The following PTPRM variants were observed in gnomAD, a reference collection of about 807,000 sequenced individuals.
PTPRM encodes receptor-type tyrosine-protein phosphatase mu.
In PTPRM, 47 loss-of-function variants were observed where a neutral mutation model predicts 186.7. The observed-to-expected ratio is 0.25, with a 90% CI of 0.20 to 0.32. The LOEUF (loss-of-function observed/expected upper bound fraction) is 0.32, where lower values mean the gene tolerates loss of function less well. PTPRM is among the 10% of genes least tolerant of loss of function. The pLI is 1.00. For synonymous variants in PTPRM, 668 were observed against 674.9 expected (o/e 0.99, Z 0.16); for missense variants, 1,494 against 1,865.0 (o/e 0.80, Z 3.66).
intron 7 of PTPRM, among the ~76,000 whole-genome samples, chr18:7,976,748 G>T (rs2054972414): frequency 6.6e-6 from 1 of 152,120 alleles, no homozygotes; most frequent in Admixed American, 6.5e-5. Context: ...GAAAATGAAT[G>T]CGGAGTAAGC....
At chr18:8,283,540 C>T (rs2094926023) in intron 19 of PTPRM, among the ~76,000 whole-genome samples, 2 of 152,282 alleles carry the variant, frequency 1.3e-5, no homozygotes, top group Admixed American at 6.5e-5. Flanking sequence ...ATCTATGAGA[C>T]ATTTTGGGTA....
intron 7 of PTPRM, among the ~76,000 whole-genome samples, chr18:7,981,267 ATT>A (rs1249931937): frequency 2.0e-5 from 3 of 151,796 alleles, no homozygotes; most frequent in Admixed American, 1.3e-4. Flanking sequence ...TTCCCTTATT[ATT>A]TTTTAAACAT....
At chr18:8,326,689 C>A (rs2095379199) in intron 22 of PTPRM, among the ~76,000 whole-genome samples, 1 of 152,108 alleles carries the variant, frequency 6.6e-6, no homozygotes. Flanking sequence ...GGGGAAAGGA[C>A]TCCCCATTAT....
intron 2 of PTPRM, among the ~76,000 whole-genome samples, chr18:7,818,215 G>A (rs368554737): frequency 6.6e-6 from 1 of 151,844 alleles, no homozygotes; most frequent in South Asian, 2.1e-4. Context: ...TTTTTTTTCC[G>A]ACGAGTCTTG....
intron 2 of PTPRM, among the ~76,000 whole-genome samples, chr18:7,786,202 T>C (rs938084730): frequency 3.3e-5 from 5 of 152,226 alleles, no homozygotes; most frequent in African/African-American, 1.2e-4. Context: ...GAAATAAATA[T>C]AGCTATTTAA....
At chr18:8,205,921 G>A (rs952810933) in intron 14 of PTPRM, among the ~76,000 whole-genome samples, 4 of 152,054 alleles carry the variant, frequency 2.6e-5, no homozygotes, top group Non-Finnish European at 5.9e-5. Context: ...TGGAGTGCCC[G>A]GTGATTAGGA....
intron 9 of PTPRM, among the ~76,000 whole-genome samples, chr18:8,083,633 C>T (rs1002441058): frequency 9.2e-5 from 14 of 152,126 alleles, no homozygotes; most frequent in African/African-American, 3.4e-4. Flanking sequence ...CTCCATCCCA[C>T]CCTGTCCAGA....
At chr18:8,280,018 G>A (rs1276995116) in intron 19 of PTPRM, among the ~76,000 whole-genome samples, 1 of 148,570 alleles carries the variant, frequency 6.7e-6, no homozygotes, top group African/African-American at 2.5e-5. Flanking sequence ...TCCATTTAAT[G>A]TGTGTGCAGC....
At chr18:7,840,921 T>C (rs2046290099) in intron 2 of PTPRM, among the ~76,000 whole-genome samples, 1 of 152,232 alleles carries the variant, frequency 6.6e-6, no homozygotes, top group Admixed American at 6.5e-5. Context: ...GCTTCACTTA[T>C]TTTTTGTGTG....
chr18:8,287,905 G>A (rs1601642333), intron 19 of PTPRM, among the ~76,000 whole-genome samples: 1 of 152,182 alleles, frequency 6.6e-6, no homozygotes, highest in Admixed American at 6.5e-5. Context: ...GTGACAGATT[G>A]CTCACTGACA....
chr18:7,695,026 A>G (rs1397210825), intron 1 of PTPRM, among the ~76,000 whole-genome samples: 1 of 152,112 alleles, frequency 6.6e-6, no homozygotes, highest in African/African-American at 2.4e-5. Context: ...GCTTGTTGTT[A>G]TCCCCATTTT....
chr18:7,962,227 A>C (rs562871060), intron 7 of PTPRM, among the ~76,000 whole-genome samples: 6,077 of 152,264 alleles, frequency 0.04, 395 homozygotes, highest in African/African-American at 0.14. Context: ...CTGTGAACAA[A>C]TAACATACAT....
chr18:7,664,812 ATTTT>A (rs2039060931), intron 1 of PTPRM, among the ~76,000 whole-genome samples: 2 of 152,130 alleles, frequency 1.3e-5, no homozygotes, highest in Non-Finnish European at 2.9e-5. Flanking sequence ...CTGGGGCTGT[ATTTT>A]TACAAAATAC....
At chr18:8,252,026 C>G (rs1409318749) in intron 17 of PTPRM, among the ~76,000 whole-genome samples, 1 of 152,160 alleles carries the variant, frequency 6.6e-6, no homozygotes, top group South Asian at 2.1e-4. Flanking sequence ...AATAGCATTT[C>G]CCTGCATAAG....
At chr18:7,624,405 T>C (rs953605772) in intron 1 of PTPRM, among the ~76,000 whole-genome samples, 1 of 152,200 alleles carries the variant, frequency 6.6e-6, no homozygotes, top group Non-Finnish European at 1.5e-5. Flanking sequence ...TACTGTAGAC[T>C]GACTGACTGG....
At chr18:7,744,954 T>C (rs2040954989) in intron 1 of PTPRM, among the ~76,000 whole-genome samples, 1 of 152,206 alleles carries the variant, frequency 6.6e-6, no homozygotes, top group Non-Finnish European at 1.5e-5. Flanking sequence ...TGAGTCTTTC[T>C]ATCACTTATG....
At chr18:7,838,496 C>T (rs980661087) in intron 2 of PTPRM, among the ~76,000 whole-genome samples, 1 of 152,210 alleles carries the variant, frequency 6.6e-6, no homozygotes, top group African/African-American at 2.4e-5. Context: ...TTGTTCTCTT[C>T]CCTTAATTTA....
intron 2 of PTPRM, among the ~76,000 whole-genome samples, chr18:7,795,770 T>C (rs1228733063): frequency 2.6e-5 from 4 of 151,900 alleles, no homozygotes; most frequent in African/African-American, 9.7e-5. Context: ...TTCACCAAGA[T>C]ATTACCACTA....
chr18:8,274,626 T>A (rs921901665), intron 19 of PTPRM, among the ~76,000 whole-genome samples: 1 of 152,196 alleles, frequency 6.6e-6, no homozygotes, highest in African/African-American at 2.4e-5. Flanking sequence ...ACCTAAGCAT[T>A]TGTTAAATTA....
Sources: allele counts gnomAD v4.1 joint callset (sites outside exome capture counted in the v4.1 genomes callset), GRCh38; gene constraint gnomAD v4.1.1; transcripts MANE v1.5; gene names NCBI Gene and HGNC (gene_info 2026-07-23, HGNC 2026-07-21).